Variants in SPIDR observed in about 807,000 individuals in gnomAD.
SPIDR encodes DNA repair-scaffolding protein.
Under a neutral mutation model 104.6 loss-of-function variants are expected in SPIDR, and 93 were observed. The ratio of observed to expected loss-of-function variants is 0.89; its 90% CI spans 0.75 to 1.06. SPIDR has a LOEUF of 1.06. Ranked by LOEUF, SPIDR falls within the 50% of genes least tolerant of loss-of-function variation. SPIDR has a pLI of 0.00. For synonymous variants in SPIDR, 431 were observed against 416.9 expected, an observed-to-expected ratio of 1.03 and a Z score of -0.41; for missense variants, 1,154 against 1,111.2, an observed-to-expected ratio of 1.04 and a Z score of -0.55.
intron 6 of SPIDR, among the ~76,000 whole-genome samples, chr8:47,405,031 G>C (rs544895811): frequency 6.6e-6 from 1 of 152,226 alleles, no homozygotes; most frequent in African/African-American, 2.4e-5. Context: ...CTGTAAGAAA[G>C]GATGAGTTCA....
intron 10 of SPIDR, among the ~76,000 whole-genome samples, chr8:47,670,651 AT>A (rs2075670416): frequency 6.6e-6 from 1 of 152,122 alleles, no homozygotes; most frequent in Non-Finnish European, 1.5e-5. Context: ...CGCATACACT[AT>A]ACTTAAGTTA....
At chr8:47,571,661 T>A (rs1430682251) in intron 8 of SPIDR, among the ~76,000 whole-genome samples, 1 of 152,190 alleles carries the variant, frequency 6.6e-6, no homozygotes, top group Non-Finnish European at 1.5e-5. Flanking sequence ...GGAGGATATA[T>A]TCCAATACCT....
intron 8 of SPIDR, among the ~76,000 whole-genome samples, chr8:47,485,671 T>C (rs1439548928): frequency 1.3e-5 from 2 of 152,144 alleles, no homozygotes; most frequent in African/African-American, 4.8e-5. Context: ...AGAGGAACGA[T>C]CAGGCAGCAG....
rs1056000882 is a variant in SPIDR at position 47,713,764 on chromosome 8, A to T, written c.2341+123A>T. ...CCGCTAAGTTCCAGACACTGGATACATAAAGAACAAAAGCAGAAATTGTTC... is the reference window on the plus strand; with the variant it reads ...CCGCTAAGTTCCAGACACTGGATACTTAAAGAACAAAAGCAGAAATTGTTC... On this transcript the variant is annotated intron_variant, in intron 16 of 19. Transcript: ENST00000297423. The T allele has an allele frequency of 3.9e-6, 5 of 1,295,028 alleles. No individual in the cohort carries two copies. The Admixed American group carries it at 1.2e-4, about 32-fold the overall frequency. The allele number at this position is 1,295,028 out of a possible 1,614,324, so 80.2% of individuals were successfully genotyped here.
intron 5 of SPIDR, among the ~76,000 whole-genome samples, chr8:47,370,540 G>A (rs1310800498): frequency 3.4e-5 from 5 of 146,900 alleles, no homozygotes; most frequent in Non-Finnish European, 7.4e-5. Flanking sequence ...TCTGCCTCCT[G>A]GGTTCAAGCG....
chr8:47,571,977 C>T (rs1193766705), intron 8 of SPIDR, among the ~76,000 whole-genome samples: 2 of 152,024 alleles, frequency 1.3e-5, no homozygotes, highest in Non-Finnish European at 2.9e-5. Context: ...TTATGCTTTC[C>T]CTCTTCTAAT....
At chr8:47,418,227 T>C (rs546860440) in intron 7 of SPIDR, among the ~76,000 whole-genome samples, 2 of 152,334 alleles carry the variant, frequency 1.3e-5, no homozygotes, top group East Asian at 1.9e-4. Flanking sequence ...ATGCCCATTT[T>C]CCCAATATTG....
chr8:47,479,025 A>G lies in SPIDR; in HGVS notation c.1097+38483A>G, dbSNP rs2076584901. On this transcript the variant is annotated intron_variant, in intron 8 of 19. Transcript: ENST00000297423. ...TTTTGGTTAGGAAGGTATTCATCTC[A>G]TCCAAAAGTGATATAAAATCAGTGA... Among the ~76,000 whole-genome samples the G allele has an allele frequency of 2.0e-5, 3 of 152,084 alleles. No individual in the cohort carries two copies. The South Asian group carries it at 6.2e-4, about 31-fold the overall frequency.
intron 8 of SPIDR, among the ~76,000 whole-genome samples, chr8:47,472,698 T>C (rs1586300074): frequency 6.6e-6 from 1 of 152,154 alleles, no homozygotes; most frequent in Non-Finnish European, 1.5e-5. Context: ...GACCTCAAAA[T>C]AAGTAATTTT....
chr8:47,701,839 C>T lies in SPIDR; in HGVS notation c.1892C>T (p.Thr631Ile), dbSNP rs1589327215. The T allele has an allele frequency of 6.2e-7, 1 of 1,614,150 alleles. No homozygotes were observed. The highest frequency in any genetic ancestry group is 2.2e-5 in the East Asian group (1 of 44,884). Residue 631 changes from threonine (T) to isoleucine (I), a missense_variant, in exon 13 of 20, where the codon ACC (threonine) becomes ATC (isoleucine). Coordinates refer to ENST00000297423, the MANE Select transcript of SPIDR (RefSeq NM_001080394.4). ...TATAAGCTTTACCAGCCTCCAGTTA[C>T]CCGCTGCTTAAGAGACATTCTCCAG... is the stretch of plus-strand genomic sequence containing the variant. Reference protein sequence around the residue: ...PIYKLYQPPVTRCLRDILQMN... With the variant: ...PIYKLYQPPVIRCLRDILQMN...
At chr8:47,487,500 A>C (rs1001211530) in intron 8 of SPIDR, among the ~76,000 whole-genome samples, 13 of 152,258 alleles carry the variant, frequency 8.5e-5, no homozygotes, top group African/African-American at 3.1e-4. Flanking sequence ...CTGCACCTAG[A>C]GGACCTAATA....
At position 47,440,884 on chromosome 8, in the gene SPIDR, A is replaced by T. The variant is rs111344157; in HGVS notation, c.1097+342A>T. On this transcript the variant is annotated intron_variant, in intron 8 of 19. Transcript: ENST00000297423. ...ACAGGCATTATGTGACAGTAGGATA[A>T]CACACATTAATTAAATATTTCTTAG... Among the ~76,000 whole-genome samples, 1,323 of 152,338 alleles carry T rather than the reference A, an allele frequency of 8.7e-3. 16 individuals are homozygous for T. The highest frequency in any genetic ancestry group is 0.028 in the African/African-American group (1,181 of 41,576).
chr8:47,735,087 GGTGTGTGGGTGTGTGT>G (rs200908076), intron 19 of SPIDR, among the ~76,000 whole-genome samples: 238 of 148,182 alleles, frequency 1.6e-3, no homozygotes, highest in East Asian at 0.011. Flanking sequence ...AAAATAAATG[GGTGTGTGGGTGTGTGT>G]GTGTGTGGGT....
chr8:47,464,805 G>C (rs1312593080), intron 8 of SPIDR, among the ~76,000 whole-genome samples: 1 of 151,690 alleles, frequency 6.6e-6, no homozygotes, highest in Non-Finnish European at 1.5e-5. Flanking sequence ...TGCTCTCTCT[G>C]TCACCCAGGC....
chr8:47,418,851 G>A (rs1215963475), intron 7 of SPIDR, among the ~76,000 whole-genome samples: 2 of 152,016 alleles, frequency 1.3e-5, no homozygotes, highest in African/African-American at 4.8e-5. Context: ...TTGTCAAAGG[G>A]CTTTTCTACA....
chr8:47,611,026 A>G (rs1478706619), intron 10 of SPIDR, among the ~76,000 whole-genome samples: 1 of 152,218 alleles, frequency 6.6e-6, no homozygotes, highest in African/African-American at 2.4e-5. Context: ...GTACTGGACC[A>G]TGAATGCAGT....
At chr8:47,327,401 T>C (rs1344270217) in intron 5 of SPIDR, among the ~76,000 whole-genome samples, 1 of 152,026 alleles carries the variant, frequency 6.6e-6, no homozygotes, top group Non-Finnish European at 1.5e-5. Context: ...CTTTTTTTTT[T>C]TTTTTTTTGA....
intron 5 of SPIDR, among the ~76,000 whole-genome samples, chr8:47,335,937 T>A (rs2049642654): frequency 6.6e-6 from 1 of 152,178 alleles, no homozygotes; most frequent in Non-Finnish European, 1.5e-5. Flanking sequence ...TTTTTTTAAT[T>A]CTGCATTTGT....
chr8:47,654,131 C>G, intron 10 of SPIDR: 1 of 1,289,776 alleles, frequency 7.8e-7, no homozygotes, highest in South Asian at 1.2e-5. Flanking sequence ...TTGGGATACT[C>G]CCAAAGTTCT....
Sources: allele counts gnomAD v4.1 joint callset (sites outside exome capture counted in the v4.1 genomes callset), GRCh38; gene constraint gnomAD v4.1.1; transcripts MANE v1.5; gene names NCBI Gene and HGNC (gene_info 2026-07-23, HGNC 2026-07-21).